Variants in CDC25C observed in about 807,000 individuals in gnomAD.
The protein encoded by CDC25C is cell division cycle 25C.
A neutral mutation model predicts 52.5 loss-of-function variants in CDC25C; 48 were observed. That is an observed-to-expected ratio of 0.91 (90% confidence interval 0.72 to 1.16). The LOEUF (loss-of-function observed/expected upper bound fraction) is 1.16. Ranked by LOEUF, CDC25C falls within the 50% of genes most tolerant of loss-of-function variation. The probability of loss-of-function intolerance (pLI) is 0.00; values close to 1 mark genes in which losing one functional copy is unlikely to be tolerated. For synonymous variants in CDC25C, 187 were observed against 206.5 expected, an observed-to-expected ratio of 0.91 and a Z score of 0.81; for missense variants, 510 against 566.1, an observed-to-expected ratio of 0.90 and a Z score of 1.01.
At chr5:138,289,660 A>G (rs1382748972) in intron 9 of CDC25C, 97 bp from the exon 10 acceptor site, 2 of 971,100 alleles carry the variant, frequency 2.1e-6, no homozygotes, top group African/African-American at 3.2e-5. Flanking sequence ...GTGACCCTTA[A>G]AACCCCAGAG....
At chr5:138,338,261 C>G (rs1306656509) in exon 1 of CDC25C, 6 of 1,039,018 alleles carry the variant, frequency 5.8e-6, no homozygotes, top group Non-Finnish European at 7.9e-6. Context: ...GCGAACCGAG[C>G]GCTCAGAGCT....
Position 138,325,697 on chromosome 5 carries a change from TAC to T in CDC25C, c.459+116_459+117del, listed in dbSNP as rs766950427. ...AAAGAAATTTTCTCCCCTATAGTAA[TAC>T]AGTTTCCTTGTCTAGCATACGAGGT... On this transcript the variant is annotated intron_variant, in intron 6 of 13. Coordinates refer to ENST00000323760, the MANE Select transcript of CDC25C (RefSeq NM_001790.5). 8 of 730,686 alleles carry T rather than the reference TAC, an allele frequency of 1.1e-5. 1 individual carries two copies. Among genetic ancestry groups the T allele is most frequent in the South Asian group, 7.2e-5 (4 of 55,660 alleles). 45.3% of individuals were successfully genotyped at this position (730,686 alleles called of 1,614,324 possible).
At chr5:138,297,103 G>A (rs547081022) in intron 7 of CDC25C, among the ~76,000 whole-genome samples, 4 of 150,318 alleles carry the variant, frequency 2.7e-5, no homozygotes, top group Non-Finnish European at 5.9e-5. Context: ...AGTAGAGACG[G>A]GGTTTCACCA....
chr5:138,328,438 G>A (rs1438720656), intron 4 of CDC25C, 46 bp downstream of exon 4: 14 of 1,566,608 alleles, frequency 8.9e-6, no homozygotes, highest in Non-Finnish European at 1.2e-5. Flanking sequence ...TCTATGACCA[G>A]TGCTAAAAGG....
At chr5:138,297,200 C>T (rs575838872) in intron 7 of CDC25C, among the ~76,000 whole-genome samples, 26 of 151,982 alleles carry the variant, frequency 1.7e-4, no homozygotes, top group Middle Eastern at 3.4e-3. Flanking sequence ...CGTGAGCCAC[C>T]GCGCCTGGCC....
chr5:138,338,281 G>T (rs1156507114), exon 1 of CDC25C: 1 of 868,358 alleles, frequency 1.2e-6, no homozygotes, highest in Non-Finnish European at 1.7e-6. Flanking sequence ...TGCTCCGGCC[G>T]CGGCCCTGGG....
At chr5:138,292,640 C>A (rs528775296) in intron 7 of CDC25C, among the ~76,000 whole-genome samples, 1 of 152,092 alleles carries the variant, frequency 6.6e-6, no homozygotes, top group Admixed American at 6.5e-5. Context: ...ACACTAAAAT[C>A]AAATAGCATG....
chr5:138,326,121 T>TC (rs760171459), intron 4 of CDC25C, 67 bp from the exon 5 acceptor site: 4 of 1,518,300 alleles, frequency 2.6e-6, no homozygotes, highest in Non-Finnish European at 3.7e-6. Flanking sequence ...TTCAGTGGAT[T>TC]GGTGCATCCC....
intron 7 of CDC25C, among the ~76,000 whole-genome samples, chr5:138,317,706 A>C (rs1440399846): frequency 6.7e-6 from 1 of 150,082 alleles, no homozygotes; most frequent in Non-Finnish European, 1.5e-5. Flanking sequence ...AAAAAAAAAA[A>C]ACCAAAAACC....
intron 7 of CDC25C, among the ~76,000 whole-genome samples, chr5:138,298,728 G>C (rs1331781413): frequency 2.7e-5 from 4 of 150,798 alleles, no homozygotes; most frequent in Non-Finnish European, 4.4e-5. Flanking sequence ...CCAGCCTGGT[G>C]ACAGAGTGAG....
intron 7 of CDC25C, among the ~76,000 whole-genome samples, chr5:138,292,629 C>T (rs554581554): frequency 6.6e-6 from 1 of 151,684 alleles, no homozygotes; most frequent in African/African-American, 2.4e-5. Context: ...GAAAAAAGGA[C>T]ACACTAAAAT....
chr5:138,301,180 A>T (rs1181932831), intron 7 of CDC25C, among the ~76,000 whole-genome samples: 1 of 152,200 alleles, frequency 6.6e-6, no homozygotes, highest in East Asian at 1.9e-4. Flanking sequence ...ATGATTTTTT[A>T]AAAAGATCAA....
chr5:138,304,125 C>T (rs778366289), intron 7 of CDC25C, among the ~76,000 whole-genome samples: 1 of 152,088 alleles, frequency 6.6e-6, no homozygotes, highest in Non-Finnish European at 1.5e-5. Context: ...CCCTTCAAGT[C>T]CTGTTGATTC....
At chr5:138,321,748 CTCAAAAAAAAAAAA>C in intron 6 of CDC25C, among the ~76,000 whole-genome samples, 1 of 49,078 alleles carries the variant, frequency 2.0e-5, no homozygotes. Flanking sequence ...AAGACTCTGT[CTCAAAAAAAAAAAA>C]AAAAAAAAAA....
At chr5:138,301,705 ATT>A (rs371753855) in intron 7 of CDC25C, among the ~76,000 whole-genome samples, 2 of 114,172 alleles carry the variant, frequency 1.8e-5, no homozygotes, top group Non-Finnish European at 3.5e-5. Flanking sequence ...AAAAAAAAAA[ATT>A]TTTTTTTTTT....
Position 138,316,854 on chromosome 5 carries a change from CT to C in CDC25C, c.615+2364del, listed in dbSNP as rs1172595334. Among the ~76,000 whole-genome samples the C allele has an allele frequency of 6.6e-5, 10 of 152,274 alleles. No individual in the cohort carries two copies. In the East Asian group the frequency reaches 1.5e-3, roughly 24 times the overall value. On this transcript the variant is annotated intron_variant, in intron 7 of 13. Transcript: ENST00000323760. ...ACTGCCTACAGAGAGGAGCTGCCCC[CT>C]GTGGGTCTCCTCTGAGCTGTTCTAA...
At chr5:138,304,171 C>T (rs570044713) in intron 7 of CDC25C, among the ~76,000 whole-genome samples, 1 of 151,938 alleles carries the variant, frequency 6.6e-6, no homozygotes, top group African/African-American at 2.4e-5. Flanking sequence ...TATCTTTTTA[C>T]TTTTTTAATT....
At chr5:138,295,605 C>T (rs530978236) in intron 7 of CDC25C, among the ~76,000 whole-genome samples, 1 of 151,280 alleles carries the variant, frequency 6.6e-6, no homozygotes, top group East Asian at 1.9e-4. Context: ...AGTGCAAGAT[C>T]CTGTCTTCTC....
At position 138,328,475 on chromosome 5, in the gene CDC25C, A is replaced by G; in HGVS notation, c.335+9T>C. On this transcript the variant is annotated intron_variant, in intron 4 of 13. Coordinates refer to ENST00000323760, the MANE Select transcript of CDC25C (RefSeq NM_001790.5). ...TTTTGTGTGGGGTTCATTTAACAACAGAACTTACATCCCAGCTAAATGCAC... is the reference window on the plus strand; with the variant it reads ...TTTTGTGTGGGGTTCATTTAACAACGGAACTTACATCCCAGCTAAATGCAC... 1.2e-6 allele frequency: 2 copies of G among 1,613,134 alleles called. No homozygotes were observed. Among genetic ancestry groups the G allele is most frequent in the Non-Finnish European group, 1.7e-6 (2 of 1,179,092 alleles).
Sources: allele counts gnomAD v4.1 joint callset (sites outside exome capture counted in the v4.1 genomes callset), GRCh38; gene constraint gnomAD v4.1.1; transcripts MANE v1.5; gene names NCBI Gene and HGNC (gene_info 2026-07-23, HGNC 2026-07-21).